Variants in RYR1 observed in about 807,000 individuals in gnomAD.
The protein encoded by RYR1 is central core disease of muscle.
RYR1 carries 342 observed loss-of-function variants against 583.5 expected under a neutral mutation model. The observed-to-expected ratio is 0.59, with a 90% CI of 0.54 to 0.64. The LOEUF (loss-of-function observed/expected upper bound fraction) is 0.64, where lower values mean the gene tolerates loss of function less well. Ranked by LOEUF, RYR1 falls within the 30% of genes least tolerant of loss-of-function variation. The pLI is 0.00. For synonymous variants in RYR1, 2,791 were observed against 2,822.5 expected (o/e 0.99, Z 0.35); for missense variants, 6,032 against 6,917.2 (o/e 0.87, Z 4.54).
In RYR1 at chr19:38,565,648, G is replaced by A; in HGVS notation, c.13314G>A (p.Val4438=). ...EAGPGGADGA[V]AVTDGGPFRP... ...GGCCGGGCGGTGCCGACGGGGCGGT[G>A]GCCGTGACCGATGGGGGCCCCTTCC... Residue 4438 remains valine (V), a synonymous_variant, in exon 91 of 106, where the codon GTG becomes GTA. Coordinates refer to ENST00000359596, the MANE Select transcript of RYR1 (RefSeq NM_000540.3). This position sits in a 1 kb window ranked among gnomAD's most constrained non-coding sequence, Gnocchi z 4.7. 1 of 1,391,722 alleles carries A rather than the reference G, an allele frequency of 7.2e-7. No homozygotes were observed. The highest frequency in any genetic ancestry group is 1.6e-5 in the South Asian group (1 of 61,500). 86.2% of individuals were successfully genotyped at this position (1,391,722 alleles called of 1,614,324 possible). A position where few individuals can be genotyped will look rare whatever the true frequency, so the allele number is the denominator to read the frequency against.
chr19:38,528,741 G>A, intron 75 of RYR1, 46 bp downstream of exon 75: 1 of 1,599,352 alleles, frequency 6.3e-7, no homozygotes, highest in East Asian at 2.2e-5. Context: ...GCTGGATAGG[G>A]CTGGGGCGGA....
chr19:38,580,247 C>CG (rs776836711), intron 100 of RYR1, 119 bp downstream of exon 100: 82 of 1,587,446 alleles, frequency 5.2e-5, no homozygotes, highest in Non-Finnish European at 7.0e-5. Flanking sequence ...TGCGCTGAGC[C>CG]GGGGGTGTGT....
Position 38,483,605 on chromosome 19 carries a change from C to T in RYR1, c.4934+89C>T, listed in dbSNP as rs1969128425. On this transcript the variant is annotated intron_variant, in intron 33 of 105. Transcript: ENST00000359596. The surrounding 1 kb of genome is among the most constrained non-coding windows in gnomAD (Gnocchi z 6.3). Reference sequence around the variant, plus strand: ...CACTCAGTGCCCCTCCTCAACACAACCCCGGGATTCCAGACTACACCCCAG... The same window carrying T: ...CACTCAGTGCCCCTCCTCAACACAATCCCGGGATTCCAGACTACACCCCAG... 8.5e-7 allele frequency: 1 copy of T among 1,177,978 alleles called. No individual in the cohort carries two copies. 73.0% of individuals were successfully genotyped at this position (1,177,978 alleles called of 1,614,324 possible). A position where few individuals can be genotyped will look rare whatever the true frequency, so the allele number is the denominator to read the frequency against.
chr19:38,559,839 G>A (rs12327672), intron 89 of RYR1, among the ~76,000 whole-genome samples: 3 of 152,008 alleles, frequency 2.0e-5, no homozygotes, highest in South Asian at 4.2e-4. Context: ...TTAGCAATGC[G>A]TAACTCGTGA....
At chr19:38,527,899 C>A (rs1971544717) in intron 73 of RYR1, 115 bp downstream of exon 73, 1 of 1,271,712 alleles carries the variant, frequency 7.9e-7, no homozygotes, top group Non-Finnish European at 1.1e-6. Context: ...TGGGGCAGGG[C>A]AGGAGGTGGA....
At position 38,446,878 on chromosome 19, in the gene RYR1, C is replaced by T. The variant is rs910897005; in HGVS notation, c.800+110C>T. 103 of 853,156 alleles carry T rather than the reference C, an allele frequency of 1.2e-4. No homozygotes were observed. In the Middle Eastern group the frequency reaches 2.5e-3, roughly 21 times the overall value. The allele number at this position is 853,156 out of a possible 1,614,324, so 52.8% of individuals were successfully genotyped here. On this transcript the variant is annotated intron_variant, in intron 9 of 105. Transcript: ENST00000359596. ...ATCTGATAAAGAGACTGAAGGGTCT[C>T]GAGGGAAAATCAGAGCAGCCTGAGA...
At chr19:38,547,045 T>C (rs1379006442) in intron 88 of RYR1, among the ~76,000 whole-genome samples, 11 of 151,530 alleles carry the variant, frequency 7.3e-5, no homozygotes, top group Admixed American at 5.3e-4. Flanking sequence ...CTTTTTTTTT[T>C]TTTTCTTTTC....
At position 38,496,065 on chromosome 19, in the gene RYR1, C is replaced by T. The variant is rs1234734402; in HGVS notation, c.6549-150C>T. The stretch of plus-strand genomic sequence containing the variant: ...CGCATGAGCCACCGCACCCGGCCAG[C>T]TGTAGGAATTGAGTGAGTTCAGATC... On this transcript the variant is annotated intron_variant, in intron 39 of 105. Coordinates refer to ENST00000359596, the MANE Select transcript of RYR1 (RefSeq NM_000540.3). The surrounding 1 kb of genome is among the most constrained non-coding windows in gnomAD (Gnocchi z 4.8). 6 of 730,020 alleles carry T rather than the reference C, an allele frequency of 8.2e-6. No homozygotes were observed. In the East Asian group the frequency reaches 1.6e-4, roughly 20 times the overall value. 45.2% of individuals were successfully genotyped at this position (730,020 alleles called of 1,614,324 possible). A position where few individuals can be genotyped will look rare whatever the true frequency, so the allele number is the denominator to read the frequency against.
In RYR1 at chr19:38,496,665, C is replaced by T. The variant is rs1194564247; in HGVS notation, c.6796+124C>T. ...ACTCCCTCTCAACTGTGGTTCTGGC[C>T]CTGTAATGAGTAATGCTGGGGACAC... On this transcript the variant is annotated intron_variant, in intron 41 of 105. Transcript: ENST00000359596. This position sits in a 1 kb window ranked among gnomAD's most constrained non-coding sequence, Gnocchi z 4.8. The T allele has an allele frequency of 1.5e-6, 2 of 1,322,442 alleles. No individual in the cohort carries two copies. Among genetic ancestry groups the T allele is most frequent in the African/African-American group, 1.4e-5 (1 of 68,992 alleles). 81.9% of individuals were successfully genotyped at this position (1,322,442 alleles called of 1,614,324 possible). A position where few individuals can be genotyped will look rare whatever the true frequency, so the allele number is the denominator to read the frequency against.
At chr19:38,459,002 A>G (rs1459084089) in intron 18 of RYR1, 144 bp from the exon 19 acceptor site, 2 of 741,288 alleles carry the variant, frequency 2.7e-6, no homozygotes, top group Admixed American at 2.0e-5. Flanking sequence ...TTTCAGAGCT[A>G]CGGGAGCATC....
chr19:38,511,463 T>G lies in RYR1; in HGVS notation c.9123-98T>G, dbSNP rs1248204259. On this transcript the variant is annotated intron_variant, in intron 60 of 105. Coordinates refer to ENST00000359596, the MANE Select transcript of RYR1 (RefSeq NM_000540.3). ...TCCTGGTTCCTCTCTCCTTGTCTTCTCTGTCCCTGTCTCCTCTAATTGGGT... is the reference window on the plus strand; with the variant it reads ...TCCTGGTTCCTCTCTCCTTGTCTTCGCTGTCCCTGTCTCCTCTAATTGGGT... 1.2e-5 allele frequency: 15 copies of G among 1,271,876 alleles called. No individual in the cohort carries two copies. The African/African-American group carries it at 1.9e-4, about 16-fold the overall frequency. The allele number at this position is 1,271,876 out of a possible 1,614,324, so 78.8% of individuals were successfully genotyped here. A position where few individuals can be genotyped will look rare whatever the true frequency, so the allele number is the denominator to read the frequency against.
Position 38,523,122 on chromosome 19 carries a change from G to A in RYR1, c.10347+7G>A, listed in dbSNP as rs2145702654. On this transcript the variant is annotated splice_region_variant and intron_variant, in intron 68 of 105. Transcript: ENST00000359596. ...CTACTGGTCCAAGTCCCACGTGAGTGCCCACCCCAACCGCCCTCCCCACAA... is the reference window on the plus strand; with the variant it reads ...CTACTGGTCCAAGTCCCACGTGAGTACCCACCCCAACCGCCCTCCCCACAA... 1 of 1,613,744 alleles carries A rather than the reference G, an allele frequency of 6.2e-7. No homozygotes were observed.
At chr19:38,522,996 C>G (rs1338088477) in intron 67 of RYR1, 32 bp from the exon 68 acceptor site, 88 of 1,540,838 alleles carry the variant, frequency 5.7e-5, no homozygotes, top group Non-Finnish European at 7.5e-5. Flanking sequence ...GGATCCCCAC[C>G]CCCTCCCTCA....
intron 2 of RYR1, among the ~76,000 whole-genome samples, chr19:38,441,409 G>T (rs1333349263): frequency 1.3e-5 from 2 of 151,288 alleles, no homozygotes; most frequent in African/African-American, 2.4e-5. Context: ...CGGCGGGGGC[G>T]GGGGAGGATG....
In RYR1 at chr19:38,455,603, C is replaced by T. The variant is rs368722580; in HGVS notation, c.1673-30C>T. The T allele has an allele frequency of 6.0e-5, 97 of 1,608,990 alleles. 1 individual carries two copies. In the African/African-American group the frequency reaches 1.2e-3, roughly 19 times the overall value. Reference sequence around the variant, plus strand: ...TTGTGGGAGGGGATGGGCATGGCCGCTTCACCTCTCATTCTGGGCACCCTG... The same window carrying T: ...TTGTGGGAGGGGATGGGCATGGCCGTTTCACCTCTCATTCTGGGCACCCTG... On this transcript the variant is annotated intron_variant, in intron 15 of 105. Coordinates refer to ENST00000359596, the MANE Select transcript of RYR1 (RefSeq NM_000540.3).
In RYR1 at chr19:38,561,059, A is replaced by G; in HGVS notation, c.12283-54A>G. 3.1e-6 allele frequency: 4 copies of G among 1,270,736 alleles called. No individual in the cohort carries two copies. Among genetic ancestry groups the G allele is most frequent in the Non-Finnish European group, 4.4e-6 (4 of 906,484 alleles). The allele number at this position is 1,270,736 out of a possible 1,614,324, so 78.7% of individuals were successfully genotyped here. ...TTGTCTTAAAAAAAAAAAAAAAAAG[A>G]GAGAGAATTGAGGCTCTCCAGGTCA... On this transcript the variant is annotated intron_variant, in intron 89 of 105. Coordinates refer to ENST00000359596, the MANE Select transcript of RYR1 (RefSeq NM_000540.3). This position sits in a 1 kb window ranked among gnomAD's most constrained non-coding sequence, Gnocchi z 4.8.
At chr19:38,497,456 C>G (rs983351993) in intron 42 of RYR1, among the ~76,000 whole-genome samples, 1 of 152,212 alleles carries the variant, frequency 6.6e-6, no homozygotes, top group African/African-American at 2.4e-5. Flanking sequence ...GGCTGTGTGG[C>G]CTTGGATAAG....
chr19:38,459,144 A>G lies in RYR1; in HGVS notation c.2168-2A>G. On this transcript the variant is annotated splice_acceptor_variant, in intron 18 of 105. Transcript: ENST00000359596. LOFTEE classifies it high-confidence loss of function. ...CTGACCCATCTCTGGTGACTGATGC[A>G]GGACACGTGGCACGCCCAGTGACTT... 1 of 1,612,928 alleles carries G rather than the reference A, an allele frequency of 6.2e-7. No individual in the cohort carries two copies. The highest frequency in any genetic ancestry group is 8.5e-7 in the Non-Finnish European group (1 of 1,179,910).
intron 27 of RYR1, among the ~76,000 whole-genome samples, chr19:38,471,062 CAA>C (rs1381597034): frequency 2.6e-5 from 4 of 152,222 alleles, no homozygotes; most frequent in Admixed American, 6.5e-5. Context: ...AAGCCGGAGA[CAA>C]GAGAGCACAG....
Sources: allele counts gnomAD v4.1 joint callset (sites outside exome capture counted in the v4.1 genomes callset), GRCh38; gene constraint gnomAD v4.1.1; non-coding constraint Gnocchi (gnomAD v3.1); transcripts MANE v1.5; gene names NCBI Gene and HGNC (gene_info 2026-07-23, HGNC 2026-07-21).